ZBTB20: variants seen among roughly 807,000 people sequenced by gnomAD.
The protein encoded by ZBTB20 is zinc finger and BTB domain-containing protein 20.
In ZBTB20, 9 loss-of-function variants were observed where a neutral mutation model predicts 56.9. That is an observed-to-expected ratio of 0.16 (90% CI 0.10 to 0.28). ZBTB20 has a LOEUF of 0.28. Among genes scored for constraint, ZBTB20 ranks in the 10% least tolerant of loss-of-function variants. ZBTB20 has a pLI of 1.00. For missense variants in ZBTB20, 655 were observed against 1,003.0 expected, an observed-to-expected ratio of 0.65 and a Z score of 4.69; for synonymous variants, 417 against 420.7, an observed-to-expected ratio of 0.99 and a Z score of 0.11.
intron 7 of ZBTB20, among the ~76,000 whole-genome samples, chr3:114,456,612 T>C (rs894159520): frequency 6.6e-6 from 1 of 152,202 alleles, no homozygotes. Context: ...GAAAATGAGC[T>C]ACTAAAAAGG....
At chr3:114,418,839 A>G (rs774178267) in intron 7 of ZBTB20, among the ~76,000 whole-genome samples, 2 of 152,126 alleles carry the variant, frequency 1.3e-5, no homozygotes, top group African/African-American at 2.4e-5. Flanking sequence ...CACATCGACC[A>G]TATGTTGCAC....
Position 114,318,949 on chromosome 3 carries a change from T to C in ZBTB20, c.*20056A>G, listed in dbSNP as rs1419038954. The C allele has an allele frequency of 6.6e-6, 1 of 152,044 alleles. No individual in the cohort carries two copies. The highest frequency in any genetic ancestry group is 1.5e-5 in the Non-Finnish European group (1 of 68,014). The allele number at this position is 152,044 out of a possible 1,614,324, so 9.4% of individuals were successfully genotyped here. A position where few individuals can be genotyped will look rare whatever the true frequency, so the allele number is the denominator to read the frequency against. On this transcript the variant is annotated 3_prime_UTR_variant, in exon 12 of 12. Transcript: ENST00000675478. ...GACATTTCATAAATAGCTTTTTTTC[T>C]CTAAAAAAAGAATAAAACAAGAACA...
At chr3:114,817,814 T>G (rs529820478) in intron 4 of ZBTB20, among the ~76,000 whole-genome samples, 1 of 152,024 alleles carries the variant, frequency 6.6e-6, no homozygotes, top group Non-Finnish European at 1.5e-5. Context: ...GCACACTATG[T>G]AAAAGAACAA....
chr3:114,566,253 T>G (rs1288866796), intron 6 of ZBTB20, among the ~76,000 whole-genome samples: 1 of 152,162 alleles, frequency 6.6e-6, no homozygotes. Context: ...TGAAACTCTT[T>G]CTAACCAGTT....
chr3:114,678,495 T>C (rs1324462267), intron 6 of ZBTB20, among the ~76,000 whole-genome samples: 9 of 152,176 alleles, frequency 5.9e-5, no homozygotes, highest in Admixed American at 5.9e-4. Flanking sequence ...GGTACCATTT[T>C]GACTGTGCTT....
rs780815614 is a variant in ZBTB20 at position 114,618,483 on chromosome 3, C to T, written c.-295+75045G>A. ...ATGTTACCCAGACTGGTCTCAAACT[C>T]CTGGGCTCAAGGGATCCTCCTGCCT... On this transcript the variant is annotated intron_variant, in intron 6 of 11. Coordinates refer to ENST00000675478, the MANE Select transcript of ZBTB20 (RefSeq NM_001348800.3). Among the ~76,000 whole-genome samples, 7 of 152,234 alleles carry T rather than the reference C, an allele frequency of 4.6e-5. No individual in the cohort carries two copies. In the South Asian group the frequency reaches 6.2e-4, roughly 14 times the overall value.
rs570497284 is a variant in ZBTB20, at chr3:115,011,431, A to C, written c.-506-37015T>G. On this transcript the variant is annotated intron_variant, in intron 2 of 11. Coordinates refer to ENST00000675478, the MANE Select transcript of ZBTB20 (RefSeq NM_001348800.3). ...AAAAGAAATGTAACAAATAACATAC[A>C]ATGGATCTCCAACACATCTGGCAGC... Among the ~76,000 whole-genome samples, 26 of 152,038 alleles carry C rather than the reference A, an allele frequency of 1.7e-4. No homozygotes were observed. In the South Asian group the frequency reaches 5.4e-3, roughly 32 times the overall value.
chr3:114,851,567 AATC>A (rs2075000962), intron 4 of ZBTB20, among the ~76,000 whole-genome samples: 1 of 152,044 alleles, frequency 6.6e-6, no homozygotes, highest in Admixed American at 6.6e-5. Context: ...TTAGTAATTA[AATC>A]ATGTGATATT....
intron 3 of ZBTB20, among the ~76,000 whole-genome samples, chr3:114,928,803 T>A (rs2076251824): frequency 6.6e-6 from 1 of 152,252 alleles, no homozygotes; most frequent in Admixed American, 6.5e-5. Flanking sequence ...GCTGCAATAC[T>A]GTTTAGGATT....
chr3:114,895,168 G>A (rs935027011), intron 4 of ZBTB20, among the ~76,000 whole-genome samples: 9 of 151,994 alleles, frequency 5.9e-5, no homozygotes, highest in Non-Finnish European at 1.2e-4. Flanking sequence ...TTGCATAGAA[G>A]GAAATCAGAA....
intron 2 of ZBTB20, among the ~76,000 whole-genome samples, chr3:115,048,605 A>C (rs1488928032): frequency 6.6e-6 from 1 of 152,196 alleles, no homozygotes; most frequent in Non-Finnish European, 1.5e-5. Context: ...TGTACATTTG[A>C]AAGCAACCAT....
chr3:114,513,193 C>T (rs1307127817), intron 6 of ZBTB20, among the ~76,000 whole-genome samples: 2 of 152,136 alleles, frequency 1.3e-5, no homozygotes, highest in African/African-American at 2.4e-5. Context: ...TGCTTTCAGA[C>T]ATTTTTATCT....
intron 7 of ZBTB20, among the ~76,000 whole-genome samples, chr3:114,478,248 G>A (rs868164827): frequency 1.3e-5 from 2 of 152,174 alleles, no homozygotes; most frequent in Admixed American, 6.5e-5. Context: ...TTACAGGCGT[G>A]AGCCACCACA....
At chr3:114,689,425 C>T (rs2062561784) in intron 6 of ZBTB20, among the ~76,000 whole-genome samples, 1 of 152,048 alleles carries the variant, frequency 6.6e-6, no homozygotes, top group Non-Finnish European at 1.5e-5. Context: ...CATCTAACCA[C>T]AATTCTGAGC....
rs374751714 is a variant in ZBTB20, at chr3:114,339,296, C to T, written c.1935G>A (p.Gln645=). 5 of 1,614,080 alleles carry T rather than the reference C, an allele frequency of 3.1e-6. No individual in the cohort carries two copies. In the African/African-American group the frequency reaches 6.7e-5, roughly 22 times the overall value. ...QCSICNKRFT[Q]KSSLNVHMRL... ...GCATGTGCACGTTGAGGGAGCTCTTCTGGGTGAAGCGCTTGTTGCAGATAC... is the reference window on the plus strand; with the variant it reads ...GCATGTGCACGTTGAGGGAGCTCTTTTGGGTGAAGCGCTTGTTGCAGATAC... Residue 645 remains glutamine (Q), a synonymous_variant, in exon 12 of 12, where the codon CAG becomes CAA. Transcript: ENST00000675478. This position sits in a 1 kb window ranked among gnomAD's most constrained non-coding sequence, Gnocchi z 4.2.
At chr3:114,717,756 T>C (rs1253014763) in intron 5 of ZBTB20, among the ~76,000 whole-genome samples, 1 of 152,168 alleles carries the variant, frequency 6.6e-6, no homozygotes, top group Non-Finnish European at 1.5e-5. Context: ...AATCAGGCTT[T>C]TATCCGTTCC....
chr3:114,974,016 CTGTT>C (rs2077996510), intron 3 of ZBTB20, among the ~76,000 whole-genome samples: 1 of 148,928 alleles, frequency 6.7e-6, no homozygotes, highest in African/African-American at 2.5e-5. Context: ...GCCAATATGT[CTGTT>C]TAACAAAAGA....
chr3:114,642,127 C>T (rs553396199), intron 6 of ZBTB20, among the ~76,000 whole-genome samples: 2 of 152,034 alleles, frequency 1.3e-5, no homozygotes, highest in East Asian at 1.9e-4. Context: ...ATATACTCTA[C>T]TTGCAAAGGT....
At chr3:115,005,993 T>C (rs897942869) in intron 2 of ZBTB20, among the ~76,000 whole-genome samples, 6 of 146,734 alleles carry the variant, frequency 4.1e-5, no homozygotes, top group South Asian at 2.2e-4. Context: ...TTCCTAGACA[T>C]TGCCAAATGT....
Sources: allele counts gnomAD v4.1 joint callset (sites outside exome capture counted in the v4.1 genomes callset), GRCh38; gene constraint gnomAD v4.1.1; non-coding constraint Gnocchi (gnomAD v3.1); transcripts MANE v1.5; gene names NCBI Gene and HGNC (gene_info 2026-07-23, HGNC 2026-07-21).